Variants in MLIP observed in about 807,000 individuals in gnomAD.
The protein encoded by MLIP is muscular LMNA-interacting protein.
In MLIP, 79 loss-of-function variants were observed where a neutral mutation model predicts 84.8. That is an observed-to-expected ratio of 0.93 (90% CI 0.78 to 1.12). The LOEUF is 1.12. Ranked by LOEUF, MLIP falls within the 50% of genes most tolerant of loss-of-function variation. The probability of loss-of-function intolerance (pLI) is 0.00; values close to 1 mark genes in which losing one functional copy is unlikely to be tolerated. For synonymous variants in MLIP, 504 were observed against 463.0 expected, an observed-to-expected ratio of 1.09 and a Z score of -1.14; for missense variants, 1,257 against 1,160.6, an observed-to-expected ratio of 1.08 and a Z score of -1.21.
At chr6:54,106,862 A>G (rs972095230), upstream of MLIP, among the ~76,000 whole-genome samples, 2 of 152,214 alleles carry the variant, frequency 1.3e-5, no homozygotes, top group Non-Finnish European at 1.5e-5. Context: ...TCATTGGCTT[A>G]TAAATGTTAT....
chr6:54,232,040 C>T (rs1781041095), intron 12 of MLIP, among the ~76,000 whole-genome samples: 1 of 152,030 alleles, frequency 6.6e-6, no homozygotes, highest in African/African-American at 2.4e-5. Context: ...GGGCAACATT[C>T]AATATGACAT....
intron 4 of MLIP, among the ~76,000 whole-genome samples, 176 bp from the exon 5 acceptor site, chr6:54,148,880 C>T (rs1178406436): frequency 6.6e-6 from 1 of 152,152 alleles, no homozygotes; most frequent in Non-Finnish European, 1.5e-5. Flanking sequence ...GCTTCTCATT[C>T]TAATAAAATA....
intron 3 of MLIP, among the ~76,000 whole-genome samples, chr6:54,131,051 A>G (rs1483611545): frequency 6.6e-6 from 1 of 152,234 alleles, no homozygotes; most frequent in Non-Finnish European, 1.5e-5. Flanking sequence ...TAGTGATAAC[A>G]GTTTTCCATG....
At chr6:54,146,132 T>C (rs1772807031) in intron 4 of MLIP, among the ~76,000 whole-genome samples, 2 of 152,152 alleles carry the variant, frequency 1.3e-5, no homozygotes, top group Admixed American at 1.3e-4. Flanking sequence ...TAGTAAATGT[T>C]TTGAAAAAAG....
At chr6:54,151,647 G>T (rs1208437190) in intron 5 of MLIP, among the ~76,000 whole-genome samples, 3 of 152,140 alleles carry the variant, frequency 2.0e-5, no homozygotes, top group Non-Finnish European at 2.9e-5. Context: ...GCTGTGGAAT[G>T]CCTTGAAGCT....
At chr6:54,190,337 A>G (rs566741302) in intron 10 of MLIP, among the ~76,000 whole-genome samples, 1 of 152,332 alleles carries the variant, frequency 6.6e-6, no homozygotes, top group African/African-American at 2.4e-5. Flanking sequence ...AATGGTCTAG[A>G]TCAGTGCTGA....
At chr6:54,201,349 T>A (rs952307758) in intron 10 of MLIP, among the ~76,000 whole-genome samples, 1 of 152,142 alleles carries the variant, frequency 6.6e-6, no homozygotes, top group African/African-American at 2.4e-5. Flanking sequence ...GAAAGGAAAT[T>A]CATGTAGGCC....
intron 9 of MLIP, among the ~76,000 whole-genome samples, chr6:54,181,040 C>A (rs1373668342): frequency 6.6e-6 from 1 of 152,046 alleles, no homozygotes; most frequent in Non-Finnish European, 1.5e-5. Context: ...GAAATGAAGT[C>A]TCTCTCTCTG....
intron 1 of MLIP, among the ~76,000 whole-genome samples, chr6:54,033,910 A>G (rs1412016430): frequency 9.2e-5 from 14 of 152,212 alleles, no homozygotes; most frequent in South Asian, 2.1e-4. Context: ...AAGTAATAGT[A>G]CTTTAACATT....
At chr6:54,086,183 A>G (rs1157182579) in intron 1 of MLIP, among the ~76,000 whole-genome samples, 2 of 152,156 alleles carry the variant, frequency 1.3e-5, no homozygotes, top group Non-Finnish European at 2.9e-5. Flanking sequence ...AGGTAATACG[A>G]TTCAATCTCA....
chr6:54,029,309 A>T (rs1300310481), intron 1 of MLIP: 1 of 152,210 alleles, frequency 6.6e-6, no homozygotes, highest in Admixed American at 6.5e-5. Context: ...TGAAGCTGTG[A>T]GGTTGGAGTC....
chr6:54,201,278 G>A (rs192187297), intron 10 of MLIP, among the ~76,000 whole-genome samples: 64 of 152,234 alleles, frequency 4.2e-4, no homozygotes, highest in Admixed American at 1.2e-3. Context: ...GTAAAGTTGA[G>A]TTAAATAAAA....
At chr6:54,127,255 C>T (rs1251591805) in intron 3 of MLIP, among the ~76,000 whole-genome samples, 1 of 152,088 alleles carries the variant, frequency 6.6e-6, no homozygotes, top group Non-Finnish European at 1.5e-5. Context: ...AATTCCTTTT[C>T]ATTCTGTTGT....
intron 12 of MLIP, among the ~76,000 whole-genome samples, chr6:54,250,035 G>A (rs1246123600): frequency 6.6e-6 from 1 of 151,954 alleles, no homozygotes; most frequent in Non-Finnish European, 1.5e-5. Context: ...TTACAAGTGA[G>A]AACATGCAGT....
At chr6:54,110,093 C>T (rs1769336761), upstream of MLIP, among the ~76,000 whole-genome samples, 1 of 151,564 alleles carries the variant, frequency 6.6e-6, no homozygotes. Flanking sequence ...TGCCATTCTC[C>T]TGCCTCAGCC....
intron 9 of MLIP, among the ~76,000 whole-genome samples, chr6:54,176,459 G>A (rs2150617934): frequency 6.6e-6 from 1 of 152,000 alleles, no homozygotes; most frequent in Non-Finnish European, 1.5e-5. Flanking sequence ...TCATGGTTCA[G>A]TCTTGATAGG....
At chr6:54,227,482 A>G (rs9367553) in intron 11 of MLIP, among the ~76,000 whole-genome samples, 1 of 152,344 alleles carries the variant, frequency 6.6e-6, no homozygotes, top group East Asian at 1.9e-4. Flanking sequence ...CATATAAAAG[A>G]GCATCAAATT....
At position 54,149,102 on chromosome 6, in the gene MLIP, C is replaced by G; in HGVS notation, c.2264C>G (p.Thr755Arg). 6.2e-7 allele frequency: 1 copy of G among 1,612,940 alleles called. No homozygotes were observed. The highest frequency in any genetic ancestry group is 8.5e-7 in the Non-Finnish European group (1 of 1,179,216). Residue 755 changes from threonine (T) to arginine (R), a missense_variant, in exon 5 of 14, where the codon ACA (threonine) becomes AGA (arginine). Thr to Arg is a moderately conservative substitution (Grantham distance 71). Transcript: ENST00000502396. Reference sequence around the variant, plus strand: ...TACAAGGCTTTTGCAGCAATCCCTACAAACACATTGCTTTTGGAACAGAAG... The same window carrying G: ...TACAAGGCTTTTGCAGCAATCCCTAGAAACACATTGCTTTTGGAACAGAAG... Reference protein sequence around the residue: ...SSYKAFAAIPTNTLLLEQKAL... With the variant: ...SSYKAFAAIPRNTLLLEQKAL...
At chr6:54,235,796 G>A (rs1226372773) in intron 12 of MLIP, among the ~76,000 whole-genome samples, 2 of 152,150 alleles carry the variant, frequency 1.3e-5, no homozygotes, top group South Asian at 2.1e-4. Flanking sequence ...CTGATGGAGT[G>A]TGTTGGGAAC....
Sources: gnomAD v4.1 joint callset for allele counts (sites outside exome capture counted in the v4.1 genomes callset) on GRCh38, gnomAD v4.1.1 for gene constraint, MANE v1.5 for transcripts, NCBI Gene and HGNC (gene_info 2026-07-23, HGNC 2026-07-21) for gene names.